The following PRKCB variants were observed in gnomAD, a reference collection of about 807,000 sequenced individuals.
PRKCB encodes protein kinase C beta.
A neutral mutation model predicts 81.5 loss-of-function variants in PRKCB; 13 were observed. The ratio of observed to expected loss-of-function variants is 0.16; its 90% confidence interval spans 0.10 to 0.25. The LOEUF (loss-of-function observed/expected upper bound fraction) is 0.25, where lower values mean the gene tolerates loss of function less well. PRKCB is among the 10% of genes least tolerant of loss of function. The probability of loss-of-function intolerance (pLI) is 1.00; values close to 1 mark genes in which losing one functional copy is unlikely to be tolerated. For synonymous variants in PRKCB, 335 were observed against 321.4 expected (o/e 1.04, Z -0.45); for missense variants, 509 against 875.7 (o/e 0.58, Z 5.29).
intron 2 of PRKCB, among the ~76,000 whole-genome samples, chr16:23,860,396 G>T (rs547153321): frequency 1.3e-5 from 2 of 152,168 alleles, no homozygotes; most frequent in African/African-American, 4.8e-5. Context: ...TGAGGATGAG[G>T]TGCCTGTGCC....
chr16:24,135,352 C>T (rs1266397764), intron 9 of PRKCB, among the ~76,000 whole-genome samples: 1 of 132,374 alleles, frequency 7.6e-6, no homozygotes, highest in Non-Finnish European at 1.5e-5. Context: ...CAGAGTCTTG[C>T]TCTGTTGCCC....
In PRKCB at chr16:24,174,606, A is replaced by G. The variant is rs374263623; in HGVS notation, c.1394+26A>G. On this transcript the variant is annotated intron_variant, in intron 12 of 16. Coordinates refer to ENST00000643927, the MANE Select transcript of PRKCB (RefSeq NM_002738.7). Reference sequence around the variant, plus strand: ...GTAAGTGAACACTGCTGTACTTTCCATCTCTTCATCTCCCTCAGCTCCTCC... The same window carrying G: ...GTAAGTGAACACTGCTGTACTTTCCGTCTCTTCATCTCCCTCAGCTCCTCC... The G allele has an allele frequency of 1.3e-4, 201 of 1,578,354 alleles. 1 individual carries two copies. In the East Asian group the frequency reaches 3.2e-3, roughly 25 times the overall value.
chr16:24,130,009 C>G lies in PRKCB; in HGVS notation c.1065+6028C>G, dbSNP rs371277311. On this transcript the variant is annotated intron_variant, in intron 9 of 16. Transcript: ENST00000643927. ...TTTGCTTTATCATGTATCCATCTGT[C>G]TATCCGTCCATCAACGCTTTTTTAA... Among the ~76,000 whole-genome samples the G allele has an allele frequency of 1.3e-5, 2 of 152,326 alleles. 1 individual carries two copies. The highest frequency in any genetic ancestry group is 4.1e-4 in the South Asian group (2 of 4,828).
At chr16:23,941,341 T>A (rs1190102436) in intron 2 of PRKCB, among the ~76,000 whole-genome samples, 1 of 152,164 alleles carries the variant, frequency 6.6e-6, no homozygotes, top group Non-Finnish European at 1.5e-5. Context: ...TAACAAATGA[T>A]CCTTTTGGTT....
chr16:23,886,548 G>A (rs1222841282), intron 2 of PRKCB, among the ~76,000 whole-genome samples: 1 of 151,338 alleles, frequency 6.6e-6, no homozygotes, highest in African/African-American at 2.4e-5. Flanking sequence ...GAGTAGCTGG[G>A]ATTACAGGCA....
At chr16:24,027,176 T>G (rs149871391) in intron 3 of PRKCB, among the ~76,000 whole-genome samples, 28 of 152,212 alleles carry the variant, frequency 1.8e-4, no homozygotes, top group Non-Finnish European at 2.9e-4. Flanking sequence ...CCAGGTGTAT[T>G]ATGTTCCCCT....
At chr16:23,942,040 G>T (rs1964146062) in intron 2 of PRKCB, among the ~76,000 whole-genome samples, 2 of 152,204 alleles carry the variant, frequency 1.3e-5, no homozygotes, top group African/African-American at 4.8e-5. Context: ...AACAGAATTA[G>T]TTAAGAGGGC....
At chr16:24,198,864 C>T (rs769635384) in intron 16 of PRKCB, among the ~76,000 whole-genome samples, 3 of 152,176 alleles carry the variant, frequency 2.0e-5, no homozygotes, top group Non-Finnish European at 2.9e-5. Context: ...GATCCCCTTT[C>T]CTCCACTCCT....
At chr16:23,929,626 T>A (rs904647998) in intron 2 of PRKCB, among the ~76,000 whole-genome samples, 3 of 152,154 alleles carry the variant, frequency 2.0e-5, no homozygotes, top group Non-Finnish European at 4.4e-5. Context: ...ACGATGGTAT[T>A]ATCTTTACAG....
chr16:23,894,813 C>T (rs1392806176), intron 2 of PRKCB, among the ~76,000 whole-genome samples: 1 of 152,118 alleles, frequency 6.6e-6, no homozygotes, highest in South Asian at 2.1e-4. Flanking sequence ...ACATTTATTT[C>T]TATTACATTT....
In PRKCB at chr16:24,185,090, A is replaced by T. The variant is rs754359672; in HGVS notation, c.1534-21A>T. 3.1e-6 allele frequency: 5 copies of T among 1,607,882 alleles called. No homozygotes were observed. The Admixed American group carries it at 6.7e-5, about 21-fold the overall frequency. ...AACATGAACTGCAAACCTCCCTGAT[A>T]GGGTGCCTTCTCTTTTCTAGATAAT... On this transcript the variant is annotated intron_variant, in intron 13 of 16. Coordinates refer to ENST00000643927, the MANE Select transcript of PRKCB (RefSeq NM_002738.7).
At chr16:23,977,058 T>C (rs192631757) in intron 2 of PRKCB, among the ~76,000 whole-genome samples, 31 of 152,330 alleles carry the variant, frequency 2.0e-4, no homozygotes, top group Admixed American at 1.3e-3. Flanking sequence ...CTTTTGTTTT[T>C]CCTTTTTAGT....
chr16:24,157,284 C>T (rs1463349213), intron 10 of PRKCB, among the ~76,000 whole-genome samples: 1 of 152,020 alleles, frequency 6.6e-6, no homozygotes, highest in African/African-American at 2.4e-5. Flanking sequence ...GGCTGTGTCC[C>T]CACCCAAATC....
chr16:24,064,152 GA>G (rs973899823), intron 5 of PRKCB, among the ~76,000 whole-genome samples: 1 of 151,772 alleles, frequency 6.6e-6, no homozygotes, highest in African/African-American at 2.4e-5. Context: ...GATAGAATGG[GA>G]AAGCAAGTAG....
At chr16:23,873,349 G>A (rs1360039795) in intron 2 of PRKCB, among the ~76,000 whole-genome samples, 1 of 150,746 alleles carries the variant, frequency 6.6e-6, no homozygotes, top group Admixed American at 6.6e-5. Context: ...CTCCAGCCTG[G>A]GCGATGGAGT....
intron 2 of PRKCB, among the ~76,000 whole-genome samples, chr16:23,882,013 T>TTC: frequency 5.8e-3 from 131 of 22,554 alleles, no homozygotes; most frequent in African/African-American, 0.012. Flanking sequence ...TTTCTTTCTT[T>TTC]CTTTCTTTCT....
At chr16:24,005,514 G>A (rs373468638) in intron 3 of PRKCB, among the ~76,000 whole-genome samples, 14 of 152,328 alleles carry the variant, frequency 9.2e-5, no homozygotes, top group Admixed American at 3.3e-4. Context: ...TTGAGTGGCG[G>A]TTCCGGCGTA....
chr16:23,875,100 G>A (rs1169751046), intron 2 of PRKCB, among the ~76,000 whole-genome samples: 3 of 147,502 alleles, frequency 2.0e-5, no homozygotes, highest in African/African-American at 7.6e-5. Flanking sequence ...GTGGTAGCAC[G>A]ATCAGGACTC....
At chr16:23,886,406 GTTTTTTTTTTTTT>G (rs398029038) in intron 2 of PRKCB, among the ~76,000 whole-genome samples, 6 of 70,222 alleles carry the variant, frequency 8.5e-5, no homozygotes, top group East Asian at 1.0e-3. Context: ...TGTGTTAGGT[GTTTTTTTTTTTTT>G]TTTTTTTTTT....
Sources: allele counts gnomAD v4.1 joint callset (sites outside exome capture counted in the v4.1 genomes callset), GRCh38; gene constraint gnomAD v4.1.1; transcripts MANE v1.5; gene names NCBI Gene and HGNC (gene_info 2026-07-23, HGNC 2026-07-21).